ERBB2: variants seen among roughly 807,000 people sequenced by gnomAD.
ERBB2 encodes the protein receptor tyrosine-protein kinase erbB-2.
A neutral mutation model predicts 149.0 loss-of-function variants in ERBB2; 61 were observed. The observed-to-expected ratio is 0.41, with a 90% CI of 0.33 to 0.51. The LOEUF is 0.51. Among genes scored for constraint, ERBB2 ranks in the 20% least tolerant of loss-of-function variants. ERBB2 has a pLI of 0.25. For synonymous variants in ERBB2, 633 were observed against 678.8 expected (o/e 0.93, Z 1.05); for missense variants, 1,205 against 1,655.1 (o/e 0.73, Z 4.72).
intron 11 of ERBB2, 35 bp from the exon 12 acceptor site, chr17:39,715,705 G>C (rs1567905264): frequency 2.5e-6 from 4 of 1,602,044 alleles, no homozygotes; most frequent in Non-Finnish European, 3.4e-6. Context: ...GACCGGGAAG[G>C]GGTCCGTGGT....
rs375217668 is a variant in ERBB2, at chr17:39,725,043, T to C, written c.2494-6T>C. ...AGAAGGTCTACATGGGTGCTTCCCATTCCAGGGGATGAGCTACCTGGAGGA... is the reference window on the plus strand; with the variant it reads ...AGAAGGTCTACATGGGTGCTTCCCACTCCAGGGGATGAGCTACCTGGAGGA... On this transcript the variant is annotated splice_region_variant and splice_polypyrimidine_tract_variant and intron_variant, in intron 20 of 26. Coordinates refer to ENST00000269571, the MANE Select transcript of ERBB2 (RefSeq NM_004448.4). The surrounding 1 kb of genome is among the most constrained non-coding windows in gnomAD (Gnocchi z 4.6). 1.7e-5 allele frequency: 27 copies of C among 1,614,010 alleles called. No homozygotes were observed. Among genetic ancestry groups the C allele is most frequent in the Non-Finnish European group, 2.2e-5 (26 of 1,180,030 alleles).
intron 4 of ERBB2, 22 bp downstream of exon 4, chr17:39,709,474 T>C (rs2145478711): frequency 1.2e-6 from 2 of 1,613,632 alleles, no homozygotes; most frequent in Non-Finnish European, 1.7e-6. Flanking sequence ...CCCTCCCTGC[T>C]GCCTCTTCTC....
intron 2 of ERBB2, 43 bp from the exon 3 acceptor site, chr17:39,708,278 G>A (rs777246219): frequency 9.1e-6 from 14 of 1,532,454 alleles, no homozygotes; most frequent in Non-Finnish European, 1.3e-5. Flanking sequence ...CCTGGGGGGT[G>A]GCAGTGTTCC....
At chr17:39,724,043 C>G (rs2145829603) in intron 19 of ERBB2, 33 bp downstream of exon 19, 1 of 1,485,638 alleles carries the variant, frequency 6.7e-7, no homozygotes, top group Non-Finnish European at 9.3e-7. Context: ...GCTAGGAGGA[C>G]AGGAAGGACC....
intron 9 of ERBB2, among the ~76,000 whole-genome samples, chr17:39,713,810 C>T (rs528245283): frequency 1.3e-5 from 2 of 149,576 alleles, no homozygotes; most frequent in South Asian, 4.2e-4. Context: ...AATCCCAGCA[C>T]TTTGGGAGGC....
chr17:39,688,106 A>T, upstream of ERBB2: 1 of 1,160,734 alleles, frequency 8.6e-7, no homozygotes, highest in Non-Finnish European at 1.1e-6. Context: ...TCTTTATTCT[A>T]CTCTCCGCTG....
At chr17:39,700,037 T>G (rs1254040444), upstream of ERBB2, 17 of 1,266,516 alleles carry the variant, frequency 1.3e-5, no homozygotes, top group Non-Finnish European at 1.7e-5. Context: ...TGAGGAAGTA[T>G]AAGAATGAAG....
At chr17:39,710,599 C>T in intron 7 of ERBB2, 118 bp downstream of exon 7, 3 of 1,179,730 alleles carry the variant, frequency 2.5e-6, no homozygotes, top group Non-Finnish European at 3.6e-6. Flanking sequence ...ATGACAGTTC[C>T]TGCCGAGCTG....
intron 15 of ERBB2, 91 bp from the exon 16 acceptor site, chr17:39,719,696 C>T (rs868366108): frequency 7.5e-7 from 1 of 1,326,232 alleles, no homozygotes; most frequent in Non-Finnish European, 1.1e-6. Flanking sequence ...AATGACCCAG[C>T]CACACCCCTC....
Position 39,727,642 on chromosome 17 carries a change from C to T in ERBB2, c.3413-47C>T, listed in dbSNP as rs2143277971. 6.5e-7 allele frequency: 1 copy of T among 1,548,668 alleles called. No homozygotes were observed. On this transcript the variant is annotated intron_variant, in intron 26 of 26. Transcript: ENST00000269571. This position sits in a 1 kb window ranked among gnomAD's most constrained non-coding sequence, Gnocchi z 4.3. ...GTGGGGGCAGAGGGAGTGGCAGAGA[C>T]ACCGGGGTTCCTTCCCCTAATGGGT...
At chr17:39,712,567 A>C in intron 9 of ERBB2, 119 bp downstream of exon 9, 1 of 1,271,134 alleles carries the variant, frequency 7.9e-7, no homozygotes, top group Non-Finnish European at 1.1e-6. Flanking sequence ...AAGAATGCAA[A>C]GAAAGCAGAT....
upstream of ERBB2, among the ~76,000 whole-genome samples, chr17:39,695,704 T>TGCATACACACACACACACACAC: frequency 1.0e-5 from 1 of 96,658 alleles, no homozygotes; most frequent in South Asian, 4.4e-4. Context: ...GGTGCATGCA[T>TGCATACACACACACACACACAC]ACACACACAC....
intron 19 of ERBB2, 74 bp downstream of exon 19, chr17:39,724,084 C>G (rs1024639168): frequency 9.2e-7 from 1 of 1,092,720 alleles, no homozygotes; most frequent in Admixed American, 2.2e-5. Context: ...TCTGGTCTCT[C>G]TTCATTGGGG....
intron 8 of ERBB2, 111 bp from the exon 9 acceptor site, chr17:39,712,211 A>G (rs1434795942): frequency 1.3e-6 from 2 of 1,522,186 alleles, no homozygotes; most frequent in African/African-American, 1.4e-5. Context: ...GTGTCCCTAT[A>G]TCCCCTGTCA....
rs138758961 is a variant in ERBB2, at chr17:39,701,365, T to TGGTG, written c.73+1057_73+1060dup. 4.8e-3 allele frequency among the ~76,000 whole-genome samples: 736 copies of TGGTG among 152,190 alleles called. 11 individuals are homozygous for TGGTG. The highest frequency in any genetic ancestry group is 0.017 in the African/African-American group (691 of 41,498). On this transcript the variant is annotated intron_variant, in intron 1 of 26. Coordinates refer to ENST00000269571, the MANE Select transcript of ERBB2 (RefSeq NM_004448.4). ...CAGAGGTTGAGTAGCAGCTAGTAAG[T>TGGTG]GGTGGGGTCAAGATGGGACCCCAGG...
At chr17:39,708,787 AGTG>A (rs2058617875) in intron 3 of ERBB2, among the ~76,000 whole-genome samples, 1 of 152,170 alleles carries the variant, frequency 6.6e-6, no homozygotes, top group Admixed American at 6.5e-5. Context: ...GGCTGAGTGA[AGTG>A]TACAGTGAAC....
upstream of ERBB2, chr17:39,699,616 T>G: frequency 7.8e-7 from 1 of 1,289,712 alleles, no homozygotes; most frequent in Non-Finnish European, 1.1e-6. Flanking sequence ...CCTCCTTGAC[T>G]ATCAATTTTA....
At chr17:39,691,906 T>TATAGATATAGATATAG (rs1567886218), upstream of ERBB2, among the ~76,000 whole-genome samples, 3 of 90,246 alleles carry the variant, frequency 3.3e-5, no homozygotes, top group African/African-American at 9.2e-5. Context: ...TATAGATATA[T>TATAGATATAGATATAG]ATACATATAC....
rs2145860495 is a variant in ERBB2, at chr17:39,725,020, A to G, written c.2494-29A>G. The G allele has an allele frequency of 1.2e-6, 2 of 1,613,024 alleles. No homozygotes were observed. Among genetic ancestry groups the G allele is most frequent in the African/African-American group, 2.7e-5 (2 of 74,958 alleles). On this transcript the variant is annotated intron_variant, in intron 20 of 26. Coordinates refer to ENST00000269571, the MANE Select transcript of ERBB2 (RefSeq NM_004448.4). This position sits in a 1 kb window ranked among gnomAD's most constrained non-coding sequence, Gnocchi z 4.6. ...TGTGGCCAGGCCCAGGCCCTCCCAGAAGGTCTACATGGGTGCTTCCCATTC... is the reference window on the plus strand; with the variant it reads ...TGTGGCCAGGCCCAGGCCCTCCCAGGAGGTCTACATGGGTGCTTCCCATTC...
Sources: gnomAD v4.1 joint callset for allele counts (sites outside exome capture counted in the v4.1 genomes callset) on GRCh38, gnomAD v4.1.1 for gene constraint, Gnocchi (gnomAD v3.1) non-coding constraint, MANE v1.5 for transcripts, NCBI Gene and HGNC (gene_info 2026-07-23, HGNC 2026-07-21) for gene names.